The following ASIC2 variants were observed in gnomAD, a reference collection of about 807,000 sequenced individuals.
ASIC2 encodes the protein acid sensing ion channel subunit 2.
ASIC2 carries 25 observed loss-of-function variants against 57.3 expected under a neutral mutation model. The observed-to-expected ratio is 0.44, with a 90% confidence interval of 0.32 to 0.61. ASIC2 has a LOEUF of 0.61. Among genes scored for constraint, ASIC2 ranks in the 20% least tolerant of loss-of-function variants. The pLI, the probability that ASIC2 is intolerant of heterozygous loss-of-function variation, is 0.06. For missense variants in ASIC2, 641 were observed against 738.1 expected (o/e 0.87, Z 1.52); for synonymous variants, 319 against 307.5 (o/e 1.04, Z -0.39).
chr17:33,090,520 G>T (rs762920755), intron 2 of ASIC2, among the ~76,000 whole-genome samples: 2 of 152,042 alleles, frequency 1.3e-5, no homozygotes, highest in Non-Finnish European at 2.9e-5. Flanking sequence ...CCAAATCAAG[G>T]AATGTTCTCA....
chr17:33,440,799 A>C (rs1050246806), intron 1 of ASIC2, among the ~76,000 whole-genome samples: 2 of 152,216 alleles, frequency 1.3e-5, no homozygotes, highest in African/African-American at 2.4e-5. Flanking sequence ...TACTCATTTA[A>C]AAAAGTAGGT....
At chr17:33,497,632 G>A (rs1447584917) in intron 1 of ASIC2, among the ~76,000 whole-genome samples, 1 of 152,162 alleles carries the variant, frequency 6.6e-6, no homozygotes, top group East Asian at 1.9e-4. Context: ...CCCCCACTAG[G>A]GCAGGGGGAG....
At chr17:33,656,459 A>G (rs1907078962) in intron 1 of ASIC2, among the ~76,000 whole-genome samples, 1 of 152,158 alleles carries the variant, frequency 6.6e-6, no homozygotes, top group South Asian at 2.1e-4. Context: ...ACACGTTCCT[A>G]TTTCTGGAAC....
At chr17:33,459,106 T>C (rs1307552175) in intron 1 of ASIC2, among the ~76,000 whole-genome samples, 1 of 151,980 alleles carries the variant, frequency 6.6e-6, no homozygotes, top group Non-Finnish European at 1.5e-5. Context: ...TTCTGTTTTT[T>C]TTAATGACCC....
intron 1 of ASIC2, among the ~76,000 whole-genome samples, chr17:33,550,325 C>T (rs1057474353): frequency 2.6e-5 from 4 of 152,194 alleles, no homozygotes; most frequent in East Asian, 1.9e-4. Flanking sequence ...GTAACTGCTG[C>T]GGTCTGCTAT....
At chr17:33,193,896 A>T (rs867497508) in intron 1 of ASIC2, among the ~76,000 whole-genome samples, 3 of 152,148 alleles carry the variant, frequency 2.0e-5, no homozygotes, top group Non-Finnish European at 4.4e-5. Flanking sequence ...TGGCTTGGCC[A>T]TCTTGCAGGT....
intron 1 of ASIC2, among the ~76,000 whole-genome samples, chr17:33,959,832 G>T (rs9912121): frequency 0.34 from 51,905 of 152,080 alleles, 9,087 homozygotes; most frequent in African/African-American, 0.38. Flanking sequence ...ACAATACTTT[G>T]CATCCTTCAA....
intron 2 of ASIC2, among the ~76,000 whole-genome samples, chr17:33,094,422 AG>A (rs2092169902): frequency 6.6e-6 from 1 of 152,148 alleles, no homozygotes; most frequent in Admixed American, 6.5e-5. Context: ...CCCTGCTACA[AG>A]TACCAGGATG....
intron 1 of ASIC2, among the ~76,000 whole-genome samples, chr17:34,116,972 T>C (rs1439418626): frequency 1.3e-5 from 2 of 151,996 alleles, no homozygotes; most frequent in South Asian, 2.1e-4. Context: ...GTGTAGTGTG[T>C]AGCATGTAGT....
At chr17:33,485,591 T>G (rs1001005125) in intron 1 of ASIC2, among the ~76,000 whole-genome samples, 10 of 152,200 alleles carry the variant, frequency 6.6e-5, no homozygotes, top group Non-Finnish European at 1.3e-4. Context: ...CCATCTTTCT[T>G]CACAGCCAGT....
intron 1 of ASIC2, among the ~76,000 whole-genome samples, chr17:33,566,106 G>A (rs12601580): frequency 0.43 from 65,928 of 152,094 alleles, 14,420 homozygotes; most frequent in South Asian, 0.53. Context: ...CTTCCCTTAC[G>A]TCTTTCTCTG....
chr17:33,430,208 C>T (rs971680077), intron 1 of ASIC2, among the ~76,000 whole-genome samples: 1 of 152,178 alleles, frequency 6.6e-6, no homozygotes, highest in Non-Finnish European at 1.5e-5. Context: ...CTTTCTGACT[C>T]TCACCTGGGC....
In ASIC2 at chr17:33,347,315, C is replaced by T. The variant is rs189332100; in HGVS notation, c.556-235248G>A. On this transcript the variant is annotated intron_variant, in intron 1 of 9. Coordinates refer to the ASIC2 transcript ENST00000359872. ...TTCAAGTATGTGATAAGGATCGTTG[C>T]TGTTGCCTCTGAGTATGTGTGTAAG... is the stretch of plus-strand genomic sequence containing the variant. 2.6e-3 allele frequency among the ~76,000 whole-genome samples: 400 copies of T among 152,290 alleles called. 4 individuals are homozygous for T. The highest frequency in any genetic ancestry group is 8.9e-3 in the African/African-American group (371 of 41,562).
At chr17:33,067,295 T>A (rs1027551020) in intron 3 of ASIC2, among the ~76,000 whole-genome samples, 2 of 152,176 alleles carry the variant, frequency 1.3e-5, no homozygotes, top group Non-Finnish European at 2.9e-5. Flanking sequence ...CAAAGTTGAT[T>A]CAGAGGAAAA....
At chr17:33,929,768 C>G (rs1233078974) in intron 1 of ASIC2, among the ~76,000 whole-genome samples, 1 of 152,178 alleles carries the variant, frequency 6.6e-6, no homozygotes, top group African/African-American at 2.4e-5. Context: ...ATTTCCTTCA[C>G]CTTAGCCAAA....
chr17:33,018,014 G>A (rs117940918), intron 7 of ASIC2, among the ~76,000 whole-genome samples: 1,733 of 152,344 alleles, frequency 0.011, 11 homozygotes, highest in Admixed American at 0.018. Flanking sequence ...TGGGCTGGGA[G>A]TAGGGAGAAT....
intron 1 of ASIC2, among the ~76,000 whole-genome samples, chr17:33,651,899 T>A (rs2142039670): frequency 6.6e-6 from 1 of 152,214 alleles, no homozygotes; most frequent in East Asian, 1.9e-4. Context: ...CTGGACAAAC[T>A]GCTCTGGGAA....
rs548425031 is a variant in ASIC2, at chr17:33,158,425, G to C, written c.709-46358C>G. On this transcript the variant is annotated intron_variant, in intron 1 of 9. Coordinates refer to ENST00000225823, the MANE Select transcript of ASIC2 (RefSeq NM_183377.2). ...GTGGGCTGCTGGATTTCCCCTACTG[G>C]TCTAGGGGGTGAATGAAGGGATGGC... Among the ~76,000 whole-genome samples the C allele has an allele frequency of 5.3e-5, 8 of 152,316 alleles. No homozygotes were observed. In the South Asian group the frequency reaches 1.7e-3, roughly 32 times the overall value.
At chr17:33,620,111 G>A (rs1905736983) in intron 1 of ASIC2, among the ~76,000 whole-genome samples, 1 of 151,992 alleles carries the variant, frequency 6.6e-6, no homozygotes, top group Admixed American at 6.5e-5. Context: ...GAAAGTACCT[G>A]TCGAATTTTG....
Sources: gnomAD v4.1 joint callset for allele counts (sites outside exome capture counted in the v4.1 genomes callset) on GRCh38, gnomAD v4.1.1 for gene constraint, MANE v1.5 for transcripts, NCBI Gene and HGNC (gene_info 2026-07-23, HGNC 2026-07-21) for gene names.